CLIP1: variants seen among roughly 807,000 people sequenced by gnomAD.
The protein encoded by CLIP1 is CAP-Gly domain containing linker protein 1.
Under a neutral mutation model 161.6 loss-of-function variants are expected in CLIP1, and 66 were observed. That is an observed-to-expected ratio of 0.41 (90% CI 0.33 to 0.50). CLIP1 has a LOEUF of 0.50. Ranked by LOEUF, CLIP1 falls within the 20% of genes least tolerant of loss-of-function variation. The pLI is 0.27. For synonymous variants in CLIP1, 598 were observed against 626.2 expected, an observed-to-expected ratio of 0.96 and a Z score of 0.67; for missense variants, 1,376 against 1,702.0, an observed-to-expected ratio of 0.81 and a Z score of 3.37.
At chr12:122,390,925 G>A (rs1351677394) in intron 1 of CLIP1, among the ~76,000 whole-genome samples, 1 of 151,980 alleles carries the variant, frequency 6.6e-6, no homozygotes, top group Non-Finnish European at 1.5e-5. Context: ...CCCCAACTAC[G>A]CACCAGGGAG....
chr12:122,400,667 G>T (rs1956110283), intron 1 of CLIP1: 1 of 152,132 alleles, frequency 6.6e-6, no homozygotes, highest in Admixed American at 6.6e-5. Context: ...TTCCTGTCTT[G>T]TTTGCATATC....
rs749072917 is a variant in CLIP1 at position 122,272,958 on chromosome 12, G to A, written c.4234C>T (p.Arg1412Trp). The A allele has an allele frequency of 2.3e-5, 37 of 1,614,130 alleles. No individual in the cohort carries two copies. Among genetic ancestry groups the A allele is most frequent in the Non-Finnish European group, 3.1e-5 (36 of 1,180,020 alleles). Residue 1412 changes from arginine (R) to tryptophan (W), a missense_variant, in exon 26 of 26, where the codon CGG becomes TGG. Arg to Trp is a moderately radical substitution (Grantham distance 101, BLOSUM62 -3). This residue lies in a region of CLIP1 where 948 missense variants were observed against 1,134.8 expected (regional missense o/e 0.84). Transcript: ENST00000620786. ...TCACAGTATGGGCGTTCCTCACCCC[G>A]ACTGCCATGGTGTGTGGAATGGGGA... ...DPPHSTHHGSRGEERPYCEIC... is the reference protein window; with the variant it reads ...DPPHSTHHGSWGEERPYCEIC...
intron 8 of CLIP1, 100 bp downstream of exon 8, chr12:122,352,626 G>T: frequency 1.8e-6 from 2 of 1,091,882 alleles, no homozygotes; most frequent in South Asian, 1.3e-5. Flanking sequence ...CACTTCCTCA[G>T]CTGGCTGTTC....
chr12:122,278,293 G>A, intron 23 of CLIP1, 90 bp from the exon 24 acceptor site: 1 of 1,211,754 alleles, frequency 8.3e-7, no homozygotes, highest in Non-Finnish European at 1.2e-6. Context: ...GAAAGGGCCT[G>A]TGTTCAAAAC....
At chr12:122,325,219 G>A (rs534047977) in intron 17 of CLIP1, among the ~76,000 whole-genome samples, 8 of 151,866 alleles carry the variant, frequency 5.3e-5, no homozygotes, top group African/African-American at 9.7e-5. Context: ...CACCGTGCCC[G>A]GCTAATTTTT....
intron 1 of CLIP1, among the ~76,000 whole-genome samples, chr12:122,410,458 CTTTT>C (rs34639257): frequency 1.7e-5 from 2 of 119,506 alleles, no homozygotes; most frequent in African/African-American, 3.0e-5. Flanking sequence ...CACACACACA[CTTTT>C]TTTTTTTTTT....
chr12:122,288,786 C>T (rs891013819), intron 20 of CLIP1, among the ~76,000 whole-genome samples: 1 of 151,278 alleles, frequency 6.6e-6, no homozygotes, highest in Admixed American at 6.6e-5. Context: ...AACAATCACA[C>T]CTTGAACACA....
chr12:122,289,372 T>C (rs1348092968), intron 20 of CLIP1, among the ~76,000 whole-genome samples: 1 of 151,808 alleles, frequency 6.6e-6, no homozygotes, highest in Non-Finnish European at 1.5e-5. Context: ...TGAGCCAAGA[T>C]TGAACCACTG....
At chr12:122,356,315 G>A (rs1007447976) in intron 5 of CLIP1, among the ~76,000 whole-genome samples, 9 of 152,216 alleles carry the variant, frequency 5.9e-5, no homozygotes, top group African/African-American at 2.2e-4. Flanking sequence ...AATTTCAAGA[G>A]AAACACAGCG....
At chr12:122,315,742 G>A (rs866980767) in intron 19 of CLIP1, among the ~76,000 whole-genome samples, 9 of 151,350 alleles carry the variant, frequency 5.9e-5, no homozygotes, top group Admixed American at 1.3e-4. Flanking sequence ...CCGGGTTCAC[G>A]CCATTCTCCT....
intron 1 of CLIP1, among the ~76,000 whole-genome samples, chr12:122,391,284 T>C (rs1955651614): frequency 1.3e-5 from 2 of 151,508 alleles, no homozygotes; most frequent in African/African-American, 4.9e-5. Flanking sequence ...CAAGACTCCG[T>C]CTAACAAAAA....
intron 1 of CLIP1, among the ~76,000 whole-genome samples, chr12:122,404,930 ACATGGTGC>A (rs1956276574): frequency 1.3e-5 from 2 of 151,670 alleles, no homozygotes; most frequent in Non-Finnish European, 2.9e-5. Context: ...AAAAAAACCA[ACATGGTGC>A]CATGTGTTCA....
intron 11 of CLIP1, among the ~76,000 whole-genome samples, chr12:122,338,067 G>A (rs1952324929): frequency 6.6e-6 from 1 of 151,860 alleles, no homozygotes; most frequent in Admixed American, 6.6e-5. Context: ...CAGGCACAGT[G>A]GCTCACACCT....
intron 17 of CLIP1, among the ~76,000 whole-genome samples, chr12:122,320,168 G>A (rs751951825): frequency 8.6e-5 from 13 of 151,912 alleles, no homozygotes; most frequent in Admixed American, 3.9e-4. Context: ...CTTGGGAGGT[G>A]GGGCAGGAGA....
intron 3 of CLIP1, chr12:122,365,355 T>A: frequency 1.0e-6 from 1 of 976,942 alleles, no homozygotes; most frequent in East Asian, 2.4e-5. Context: ...TCTACAATGT[T>A]ACCCAGCATG....
intron 3 of CLIP1, among the ~76,000 whole-genome samples, chr12:122,374,541 ATCACGAGG>A (rs1161347383): frequency 2.0e-5 from 3 of 151,996 alleles, no homozygotes; most frequent in African/African-American, 7.2e-5. Flanking sequence ...AGTCGGGTGG[ATCACGAGG>A]TCAGGGGTTT....
At position 122,273,026 on chromosome 12, in the gene CLIP1, T is replaced by A; in HGVS notation, c.4166A>T (p.Asp1389Val). 1 of 1,614,246 alleles carries A rather than the reference T, an allele frequency of 6.2e-7. No individual in the cohort carries two copies. Among genetic ancestry groups the A allele is most frequent in the African/African-American group, 1.3e-5 (1 of 75,066 alleles). ...TGCCTGGGTAGGACAATCCTCTGTG[T>A]CGTGGAGATCAAAGCAGTCACAAAT... Reference protein sequence around the residue: ...CDICDCFDLHDTEDCPTQAQM... With the variant: ...CDICDCFDLHVTEDCPTQAQM... Residue 1389 changes from aspartate to valine, a missense_variant, in exon 26 of 26, where the codon GAC becomes GTC. Transcript: ENST00000620786.
intron 20 of CLIP1, among the ~76,000 whole-genome samples, chr12:122,288,808 C>CTTTTTTTT (rs200069106): frequency 3.5e-5 from 4 of 114,452 alleles, no homozygotes; most frequent in Admixed American, 9.4e-5. Context: ...CGAAGCACAT[C>CTTTTTTTT]TTTTTTTTTT....
rs368255899 is a variant in CLIP1 at position 122,355,343 on chromosome 12, G to A, written c.1006-31C>T. ...AAGGAAAGTTAGAGAAATGAAGGGC[G>A]ATGATGCTGTCAGAAAAGCGAGGGA... On this transcript the variant is annotated intron_variant, in intron 5 of 25. Transcript: ENST00000620786. This position sits in a 1 kb window ranked among gnomAD's most constrained non-coding sequence, Gnocchi z 4.1. 2.5e-6 allele frequency: 4 copies of A among 1,592,642 alleles called. No individual in the cohort carries two copies. Among genetic ancestry groups the A allele is most frequent in the Non-Finnish European group, 1.7e-6 (2 of 1,162,600 alleles).
Sources: allele counts gnomAD v4.1 joint callset (sites outside exome capture counted in the v4.1 genomes callset), GRCh38; gene constraint gnomAD v4.1.1; regional missense constraint gnomAD v4.1.1; non-coding constraint Gnocchi (gnomAD v3.1); transcripts MANE v1.5; gene names NCBI Gene and HGNC (gene_info 2026-07-23, HGNC 2026-07-21).